SMC6: variants seen among roughly 807,000 people sequenced by gnomAD.
The protein encoded by SMC6 is structural maintenance of chromosomes protein 6.
In SMC6, 79 loss-of-function variants were observed where a neutral mutation model predicts 142.2. The observed-to-expected ratio is 0.56, with a 90% CI of 0.46 to 0.67. The LOEUF is 0.67. Ranked by LOEUF, SMC6 falls within the 30% of genes least tolerant of loss-of-function variation. SMC6 has a pLI of 0.00. For synonymous variants in SMC6, 411 were observed against 412.4 expected, an observed-to-expected ratio of 1.00 and a Z score of 0.04; for missense variants, 1,072 against 1,284.0, an observed-to-expected ratio of 0.83 and a Z score of 2.52.
chr2:17,678,868 T>C lies in SMC6; in HGVS notation c.2901A>G (p.Leu967=). The part of the protein sequence containing the change: ...KMNFDHKNET[L]SISVQPGEGN... ...GAATTAGGATACTTACTGATATACTTAGAGTTTCATTCTTGTGGTCAAAAT... is the reference window on the plus strand; with the variant it reads ...GAATTAGGATACTTACTGATATACTCAGAGTTTCATTCTTGTGGTCAAAAT... The change falls in exon 25 of 28, where the codon CTA becomes CTG. Residue 967 remains leucine, a synonymous_variant. Coordinates refer to ENST00000448223, the MANE Select transcript of SMC6 (RefSeq NM_001142286.2). 1 of 1,596,404 alleles carries C rather than the reference T, an allele frequency of 6.3e-7. No homozygotes were observed. The highest frequency in any genetic ancestry group is 8.6e-7 in the Non-Finnish European group (1 of 1,165,424).
chr2:17,694,375 A>T (rs1474195427), intron 23 of SMC6, among the ~76,000 whole-genome samples: 2 of 152,220 alleles, frequency 1.3e-5, no homozygotes, highest in Non-Finnish European at 2.9e-5. Context: ...CGAGGTGATG[A>T]AGATCCTAAA....
chr2:17,695,774 A>AAAATGAAT (rs1323566702), intron 22 of SMC6, among the ~76,000 whole-genome samples: 108 of 152,354 alleles, frequency 7.1e-4, no homozygotes, highest in Middle Eastern at 3.4e-3. Context: ...AACAAGTAAG[A>AAAATGAAT]AAATGAATTA....
At chr2:17,717,404 G>A (rs539973092) in intron 12 of SMC6, among the ~76,000 whole-genome samples, 7 of 152,328 alleles carry the variant, frequency 4.6e-5, no homozygotes, top group African/African-American at 1.4e-4. Context: ...AGGTGCTGTG[G>A]CTCACGCCTG....
Position 17,708,661 on chromosome 2 carries a change from A to G in SMC6, c.1823T>C (p.Ile608Thr), listed in dbSNP as rs1246344898. The G allele has an allele frequency of 7.2e-6, 11 of 1,534,020 alleles. No individual in the cohort carries two copies. The highest frequency in any genetic ancestry group is 9.7e-6 in the Non-Finnish European group (11 of 1,137,242). Reference protein sequence around the residue: ...VANSLIDMRGIETVLLIKNNS... With the variant: ...VANSLIDMRGTETVLLIKNNS... ...TACTTTGATTAGTAGCACTGTCTCT[A>G]TGCCTCTCATGTCAATTAGGCTATT... The change falls in exon 17 of 28, where the codon ATA becomes ACA. Residue 608 changes from isoleucine (I) to threonine (T), a missense_variant. Transcript: ENST00000448223.
chr2:17,735,129 A>G (rs1670089451), intron 5 of SMC6, among the ~76,000 whole-genome samples: 1 of 152,110 alleles, frequency 6.6e-6, no homozygotes, highest in Admixed American at 6.5e-5. Context: ...CAAAAAAAAA[A>G]CCACTTCTGC....
chr2:17,724,001 T>A (rs1261766606), intron 9 of SMC6, among the ~76,000 whole-genome samples: 1 of 152,214 alleles, frequency 6.6e-6, no homozygotes, highest in Non-Finnish European at 1.5e-5. Context: ...TTATACTTCA[T>A]AATTACAATA....
intron 20 of SMC6, among the ~76,000 whole-genome samples, chr2:17,701,061 A>G (rs1350050673): frequency 3.3e-5 from 5 of 150,100 alleles, no homozygotes; most frequent in African/African-American, 1.2e-4. Context: ...TAATAATAAT[A>G]ATAATAATAC....
intron 17 of SMC6, 151 bp from the exon 18 acceptor site, chr2:17,707,530 G>A (rs1668609032): frequency 4.2e-6 from 2 of 478,498 alleles, no homozygotes; most frequent in African/African-American, 2.0e-5. Flanking sequence ...TTAAATATAA[G>A]AATTTTAAAA....
intron 2 of SMC6, among the ~76,000 whole-genome samples, chr2:17,748,959 GT>G (rs923709245): frequency 1.3e-5 from 2 of 152,166 alleles, no homozygotes; most frequent in Non-Finnish European, 2.9e-5. Context: ...TGCTGAGAAT[GT>G]TTTTTATTTG....
intron 24 of SMC6, 187 bp from the exon 25 acceptor site, chr2:17,679,151 C>T (rs555957306): frequency 9.3e-5 from 43 of 463,724 alleles, no homozygotes; most frequent in African/African-American, 8.6e-4. Flanking sequence ...ATTTATGTCC[C>T]TACACTTTCA....
intron 5 of SMC6, among the ~76,000 whole-genome samples, chr2:17,735,716 G>A (rs909277323): frequency 9.9e-5 from 15 of 152,234 alleles, no homozygotes; most frequent in African/African-American, 3.4e-4. Flanking sequence ...GATATATTAG[G>A]AGGATTCATT....
In SMC6 at chr2:17,720,946, T is replaced by C; in HGVS notation, c.939A>G (p.Glu313=). The C allele has an allele frequency of 6.2e-7, 1 of 1,612,414 alleles. No homozygotes were observed. Among genetic ancestry groups the C allele is most frequent in the Admixed American group, 1.7e-5 (1 of 59,962 alleles). Reference sequence around the variant, plus strand: ...ATTTAAAAACTGTAATTACCTGCTGTTCTTCCATTTTCCTGTCAAGTCTAG... The same window carrying C: ...ATTTAAAAACTGTAATTACCTGCTGCTCTTCCATTTTCCTGTCAAGTCTAG... ...RAARLDRKME[E]QQVRLNEAEQ... The change falls in exon 11 of 28, where the codon GAA becomes GAG. Residue 313 remains glutamate (E), a synonymous_variant. Coordinates refer to ENST00000448223, the MANE Select transcript of SMC6 (RefSeq NM_001142286.2).
chr2:17,703,733 A>G (rs1443897490), intron 18 of SMC6, among the ~76,000 whole-genome samples: 2 of 152,226 alleles, frequency 1.3e-5, no homozygotes, highest in East Asian at 3.9e-4. Flanking sequence ...TGATTTTAAC[A>G]TACTCTTTTC....
At chr2:17,710,974 C>A (rs1668798795) in intron 16 of SMC6, among the ~76,000 whole-genome samples, 1 of 152,064 alleles carries the variant, frequency 6.6e-6, no homozygotes, top group South Asian at 2.1e-4. Flanking sequence ...TATGGGTGCT[C>A]TAGAAACGTC....
At chr2:17,683,097 C>A (rs1667305327) in intron 24 of SMC6, among the ~76,000 whole-genome samples, 1 of 152,108 alleles carries the variant, frequency 6.6e-6, no homozygotes, top group African/African-American at 2.4e-5. Flanking sequence ...TGGAGTCAAT[C>A]TATCTCTGTG....
chr2:17,714,857 T>C lies in SMC6; in HGVS notation c.1730+4A>G, dbSNP rs1175154940. 2 of 1,610,916 alleles carry C rather than the reference T, an allele frequency of 1.2e-6. No homozygotes were observed. The highest frequency in any genetic ancestry group is 8.5e-7 in the Non-Finnish European group (1 of 1,179,234). ...AGAAACATATTCAATTACTAATGCC[T>C]TACCTGTGTCTTACATCATATATCT... is the stretch of plus-strand genomic sequence containing the variant. On this transcript the variant is annotated splice_donor_region_variant and intron_variant, in intron 16 of 27. Coordinates refer to ENST00000448223, the MANE Select transcript of SMC6 (RefSeq NM_001142286.2).
chr2:17,698,645 A>AT (rs1170204624), intron 21 of SMC6, among the ~76,000 whole-genome samples: 1 of 152,052 alleles, frequency 6.6e-6, no homozygotes, highest in Non-Finnish European at 1.5e-5. Context: ...TAGAGAGCAT[A>AT]TAGTCATGTT....
At chr2:17,691,403 T>A (rs1054639514) in intron 23 of SMC6, among the ~76,000 whole-genome samples, 13 of 150,842 alleles carry the variant, frequency 8.6e-5, no homozygotes, top group Admixed American at 1.3e-4. Flanking sequence ...TTAATGGACA[T>A]GTGGGTTGAT....
chr2:17,730,193 C>G (rs1425118435), intron 7 of SMC6, among the ~76,000 whole-genome samples: 3 of 152,142 alleles, frequency 2.0e-5, no homozygotes, highest in Non-Finnish European at 4.4e-5. Flanking sequence ...GATTAGGTGT[C>G]TTCTAAAGGT....
Sources: gnomAD v4.1 joint callset for allele counts (sites outside exome capture counted in the v4.1 genomes callset) on GRCh38, gnomAD v4.1.1 for gene constraint, MANE v1.5 for transcripts, NCBI Gene and HGNC (gene_info 2026-07-23, HGNC 2026-07-21) for gene names.